Variants in ZMYM2 observed in about 807,000 individuals in gnomAD.
ZMYM2 encodes zinc finger MYM-type protein 2.
A neutral mutation model predicts 162.8 loss-of-function variants in ZMYM2; 56 were observed. That is an observed-to-expected ratio of 0.34 (90% CI 0.28 to 0.43). The LOEUF is 0.43. ZMYM2 is among the 20% of genes least tolerant of loss of function. ZMYM2 has a pLI of 1.00. For missense variants in ZMYM2, 1,275 were observed against 1,621.8 expected (o/e 0.79, Z 3.67); for synonymous variants, 510 against 541.6 (o/e 0.94, Z 0.81).
chr13:19,926,483 C>T, the ZMYM2 span, among the ~76,000 whole-genome samples: 1 of 151,226 alleles, frequency 6.6e-6, no homozygotes, highest in African/African-American at 2.4e-5. Context: ...CCTGCCTTAG[C>T]CTCCTGAGTA....
chr13:19,981,626 G>A (rs1014774795), intron 2 of ZMYM2, among the ~76,000 whole-genome samples: 4 of 152,196 alleles, frequency 2.6e-5, no homozygotes, highest in Admixed American at 6.5e-5. Flanking sequence ...TTAACATGGA[G>A]AAGTACCTTT....
At chr13:19,951,812 T>C in the ZMYM2 span, among the ~76,000 whole-genome samples, 1 of 152,172 alleles carries the variant, frequency 6.6e-6, no homozygotes, top group Non-Finnish European at 1.5e-5. Context: ...ACAGCGATGA[T>C]GGAAAACAGT....
chr13:19,955,254 G>A (rs1289401905), upstream of ZMYM2, among the ~76,000 whole-genome samples: 1 of 151,934 alleles, frequency 6.6e-6, no homozygotes, highest in African/African-American at 2.4e-5. Context: ...ATATTTCATT[G>A]AGTCAAGTAT....
chr13:20,011,843 C>T (rs765105864), intron 6 of ZMYM2, among the ~76,000 whole-genome samples: 14 of 151,240 alleles, frequency 9.3e-5, no homozygotes, highest in South Asian at 2.1e-4. Context: ...CCACCTCCCG[C>T]GTTCAAGCAA....
At chr13:20,034,212 C>G (rs61952376) in intron 10 of ZMYM2, 42 bp from the exon 11 acceptor site, 1 of 179,548 alleles carries the variant, frequency 5.6e-6, no homozygotes, top group Non-Finnish European at 8.1e-6. Context: ...ATTTCTTAAG[C>G]TTGTCGTCAT....
the ZMYM2 span, among the ~76,000 whole-genome samples, chr13:19,877,382 G>C: frequency 6.6e-6 from 1 of 152,144 alleles, no homozygotes; most frequent in African/African-American, 2.4e-5. Flanking sequence ...CAAAGAAAGA[G>C]AGAAAGCAAG....
chr13:19,925,849 C>A, the ZMYM2 span, among the ~76,000 whole-genome samples: 6 of 140,076 alleles, frequency 4.3e-5, no homozygotes, highest in East Asian at 2.1e-4. Flanking sequence ...CCAACCCAGG[C>A]GACAGAGCAA....
the ZMYM2 span, among the ~76,000 whole-genome samples, chr13:19,896,382 G>A: frequency 6.6e-6 from 1 of 150,962 alleles, no homozygotes; most frequent in African/African-American, 2.4e-5. Flanking sequence ...GACCTCAGGT[G>A]ATCCGCCCGC....
chr13:20,082,054 T>G lies in ZMYM2; in HGVS notation c.3492T>G (p.Ile1164Met). Residue 1164 changes from isoleucine to methionine, a missense_variant, in exon 22 of 25, where the codon ATT becomes ATG. By Grantham distance (10) the Ile-to-Met change is conservative (BLOSUM62 1). Transcript: ENST00000610343. The part of the protein sequence containing the change: ...CGSNRKDNIF[I>M]DPGYQTFEQE... ...GTAATCGAAAAGACAACATATTTAT[T>G]GATCCTGGATACCAAACATTTGAGC... 1 of 1,604,780 alleles carries G rather than the reference T, an allele frequency of 6.2e-7. No individual in the cohort carries two copies. Among genetic ancestry groups the G allele is most frequent in the Non-Finnish European group, 8.5e-7 (1 of 1,177,208 alleles).
the ZMYM2 span, among the ~76,000 whole-genome samples, chr13:19,889,412 G>A: frequency 9.2e-5 from 14 of 151,906 alleles, no homozygotes; most frequent in African/African-American, 2.4e-5. Context: ...TCTGCCTCCC[G>A]GGTTCAAGCG....
At position 19,976,233 on chromosome 13, in the gene ZMYM2, C is replaced by G. The variant is rs991990600; in HGVS notation, c.-11+16207C>G. Among the ~76,000 whole-genome samples the G allele has an allele frequency of 1.3e-5, 2 of 151,224 alleles. 1 individual carries two copies. Among genetic ancestry groups the G allele is most frequent in the Non-Finnish European group, 2.9e-5 (2 of 67,880 alleles). ...GTCCCAGCTACTTGGGAGGCTGAGG[C>G]AGGAGAATCACTTGAACCTGGGAGG... is the stretch of plus-strand genomic sequence containing the variant. On this transcript the variant is annotated intron_variant, in intron 2 of 24. Coordinates refer to ENST00000610343, the MANE Select transcript of ZMYM2 (RefSeq NM_197968.4).
At position 20,066,838 on chromosome 13, in the gene ZMYM2, T is replaced by G; in HGVS notation, c.3133-13T>G. ...TTTAAAAAAGATATTATTATGGTGT[T>G]TTTTACTAATAGGGAGCCAAGAGAA... On this transcript the variant is annotated splice_polypyrimidine_tract_variant and intron_variant, in intron 19 of 24. Transcript: ENST00000610343. 1 of 1,556,488 alleles carries G rather than the reference T, an allele frequency of 6.4e-7. No individual in the cohort carries two copies. Among genetic ancestry groups the G allele is most frequent in the Non-Finnish European group, 8.7e-7 (1 of 1,155,174 alleles).
the ZMYM2 span, among the ~76,000 whole-genome samples, chr13:19,889,747 T>C: frequency 6.6e-6 from 1 of 152,080 alleles, no homozygotes; most frequent in East Asian, 1.9e-4. Flanking sequence ...CTGTACCATC[T>C]AGTTTGGTTG....
intron 2 of ZMYM2, among the ~76,000 whole-genome samples, chr13:19,972,122 A>G (rs1039571798): frequency 3.9e-5 from 6 of 152,226 alleles, no homozygotes; most frequent in African/African-American, 1.4e-4. Flanking sequence ...TGATTTATTC[A>G]TGTATTTATT....
At chr13:19,954,273 C>T (rs985044685), upstream of ZMYM2, among the ~76,000 whole-genome samples, 2 of 151,466 alleles carry the variant, frequency 1.3e-5, no homozygotes, top group African/African-American at 2.4e-5. Context: ...GGACTACAGG[C>T]GCCCACCACC....
At chr13:20,069,715 T>C (rs1352504028) in intron 21 of ZMYM2, among the ~76,000 whole-genome samples, 1 of 152,090 alleles carries the variant, frequency 6.6e-6, no homozygotes, top group Non-Finnish European at 1.5e-5. Flanking sequence ...AGATTAGATG[T>C]GCAGATATAT....
chr13:20,013,374 A>C (rs553084096), intron 6 of ZMYM2, among the ~76,000 whole-genome samples: 1 of 152,154 alleles, frequency 6.6e-6, no homozygotes, highest in East Asian at 1.9e-4. Flanking sequence ...TCTCTTTATG[A>C]GTTTCATGTC....
chr13:20,064,559 ATAGCCTATATAACAATATTTCTC>A lies in ZMYM2; in HGVS notation c.3132+17_3132+39del. The A allele has an allele frequency of 2.6e-6, 4 of 1,545,146 alleles. No individual in the cohort carries two copies. The highest frequency in any genetic ancestry group is 3.5e-6 in the Non-Finnish European group (4 of 1,143,626). On this transcript the variant is annotated intron_variant, in intron 19 of 24. Transcript: ENST00000610343. ...TCTAAAAAAAAGGTACATTCACTTA[ATAGCCTATATAACAATATTTCTC>A]TATAGGCAAACAAGGATACAGTGTT...
the ZMYM2 span, among the ~76,000 whole-genome samples, chr13:19,873,523 C>T: frequency 6.6e-6 from 1 of 152,084 alleles, no homozygotes; most frequent in East Asian, 1.9e-4. Context: ...ATTCTCCTGC[C>T]TCAGCCTCCT....
Sources: allele counts gnomAD v4.1 joint callset (sites outside exome capture counted in the v4.1 genomes callset), GRCh38; gene constraint gnomAD v4.1.1; transcripts MANE v1.5; gene names NCBI Gene and HGNC (gene_info 2026-07-23, HGNC 2026-07-21).